The following SYNPO2 variants were observed in gnomAD, a reference collection of about 807,000 sequenced individuals.
SYNPO2 encodes synaptopodin-2.
In SYNPO2, 56 loss-of-function variants were observed where a neutral mutation model predicts 85.0. That is an observed-to-expected ratio of 0.66 (90% confidence interval 0.53 to 0.82). The LOEUF is 0.82. Among genes scored for constraint, SYNPO2 ranks in the 40% least tolerant of loss-of-function variants. The pLI, the probability that SYNPO2 is intolerant of heterozygous loss-of-function variation, is 0.00. For synonymous variants in SYNPO2, 602 were observed against 591.1 expected (o/e 1.02, Z -0.27); for missense variants, 1,575 against 1,534.2 (o/e 1.03, Z -0.44).
chr4:118,930,751 C>CAA (rs3051232), intron 1 of SYNPO2, among the ~76,000 whole-genome samples: 11,160 of 119,818 alleles, frequency 0.093, 575 homozygotes, highest in Non-Finnish European at 0.12. Flanking sequence ...CCCATATCTA[C>CAA]AAAAAAAAAA....
chr4:119,011,753 A>G (rs1737311108), intron 1 of SYNPO2, among the ~76,000 whole-genome samples: 1 of 152,158 alleles, frequency 6.6e-6, no homozygotes, highest in African/African-American at 2.4e-5. Flanking sequence ...TGTGCAAGAC[A>G]CATGTCAGGT....
At chr4:118,879,696 A>G (rs1732037559) in intron 1 of SYNPO2, among the ~76,000 whole-genome samples, 1 of 152,152 alleles carries the variant, frequency 6.6e-6, no homozygotes, top group African/African-American at 2.4e-5. Flanking sequence ...GAGGGGCTGC[A>G]AAGGTCTTGG....
intron 1 of SYNPO2, among the ~76,000 whole-genome samples, chr4:119,000,185 A>G (rs1430664089): frequency 2.6e-5 from 4 of 152,226 alleles, no homozygotes; most frequent in East Asian, 1.9e-4. Flanking sequence ...TCCACCAGGT[A>G]GCAAGGTTTG....
chr4:119,013,063 G>A (rs748280571), intron 1 of SYNPO2, among the ~76,000 whole-genome samples: 10 of 152,206 alleles, frequency 6.6e-5, no homozygotes, highest in Middle Eastern at 6.8e-3. Flanking sequence ...ATACTTTCAG[G>A]CCAAAATAAT....
In SYNPO2 at chr4:118,954,428, G is replaced by T. The variant is rs116525233; in HGVS notation, c.105+65287G>T. 4.4e-3 allele frequency among the ~76,000 whole-genome samples: 675 copies of T among 152,116 alleles called. 5 individuals are homozygous for T. Among genetic ancestry groups the T allele is most frequent in the African/African-American group, 0.015 (629 of 41,484 alleles). On this transcript the variant is annotated intron_variant, in intron 1 of 4. Transcript: ENST00000307142. ...TAATACAAAGTGCCCTTTCATATGG[G>T]CTCAGCATTGCCATCTAGGGACTAT...
chr4:119,049,568 T>C (rs1366527356), intron 4 of SYNPO2, among the ~76,000 whole-genome samples: 2 of 152,250 alleles, frequency 1.3e-5, no homozygotes, highest in African/African-American at 2.4e-5. Context: ...CTTTGGCTTC[T>C]AGGACAGTTT....
At chr4:118,951,622 C>A (rs751172064) in intron 1 of SYNPO2, among the ~76,000 whole-genome samples, 9 of 152,036 alleles carry the variant, frequency 5.9e-5, no homozygotes, top group Non-Finnish European at 8.8e-5. Flanking sequence ...TACTGCTCAA[C>A]AAAATGAATA....
intron 1 of SYNPO2, among the ~76,000 whole-genome samples, chr4:118,936,485 A>G (rs1215644480): frequency 2.0e-5 from 3 of 152,198 alleles, no homozygotes; most frequent in Non-Finnish European, 4.4e-5. Context: ...AAAATGAAAG[A>G]GAAAGAATTC....
At position 118,883,062 on chromosome 4, in the gene SYNPO2, G is replaced by GT. The variant is rs111630098; in HGVS notation, c.12+32136dup. On this transcript the variant is annotated intron_variant, in intron 1 of 4. Transcript: ENST00000610556. The stretch of plus-strand genomic sequence containing the variant: ...AGGCATGAGCCACCGCGCCCCGCCT[G>GT]TTTTTTTTTTTTTTAAAGGCCTTTT... 8.3e-3 allele frequency among the ~76,000 whole-genome samples: 1,168 copies of GT among 141,298 alleles called. 11 individuals carry two copies. The highest frequency in any genetic ancestry group is 0.049 in the East Asian group (237 of 4,884). 92.7% of individuals were successfully genotyped at this position (141,298 alleles called of 152,430 possible).
chr4:119,037,395 T>G (rs903771668), intron 4 of SYNPO2: 12 of 1,213,972 alleles, frequency 9.9e-6, no homozygotes, highest in Non-Finnish European at 1.2e-5. Flanking sequence ...AAAAAAAAAT[T>G]CACATTCTAA....
At chr4:119,005,770 G>A (rs1028887346) in intron 1 of SYNPO2, among the ~76,000 whole-genome samples, 1 of 152,092 alleles carries the variant, frequency 6.6e-6, no homozygotes, top group Non-Finnish European at 1.5e-5. Context: ...TCTTATAACT[G>A]AGAAAGTTTT....
intron 1 of SYNPO2, among the ~76,000 whole-genome samples, chr4:119,001,261 T>C (rs1192617276): frequency 6.6e-6 from 1 of 152,098 alleles, no homozygotes; most frequent in Admixed American, 6.5e-5. Flanking sequence ...GAAAGAAAAA[T>C]TGCTTCTCCA....
Position 119,031,684 on chromosome 4 carries a change from A to G in SYNPO2, c.2909A>G (p.Tyr970Cys), listed in dbSNP as rs1185596177. Residue 970 changes from tyrosine (Y) to cysteine (C), a missense_variant, in exon 4 of 5, where the codon TAT becomes TGT. Physicochemically the swap from Tyr to Cys is radical, Grantham distance 194 (BLOSUM62 -2). This residue lies in a region of SYNPO2 where 1,508 missense variants were observed against 1,446.8 expected (regional missense o/e 1.04). Coordinates refer to ENST00000307142, the MANE Select transcript of SYNPO2 (RefSeq NM_133477.3). ...TTAGATGTCATGAAGCACCAACCGT[A>G]TCAGCTCAATGCATCCTTGTTTACT... ...NALDVMKHQP[Y>C]QLNASLFTFQ... is the part of the protein sequence containing the mutation. The G allele has an allele frequency of 5.6e-6, 9 of 1,614,202 alleles. No homozygotes were observed. The highest frequency in any genetic ancestry group is 6.8e-6 in the Non-Finnish European group (8 of 1,180,032).
At chr4:119,020,836 A>C (rs1737694397) in intron 1 of SYNPO2, among the ~76,000 whole-genome samples, 1 of 152,200 alleles carries the variant, frequency 6.6e-6, no homozygotes, top group African/African-American at 2.4e-5. Flanking sequence ...ACTTATTAAA[A>C]AATTTCTTGT....
At position 118,904,643 on chromosome 4, in the gene SYNPO2, C is replaced by G. The variant is rs547836573; in HGVS notation, c.105+15502C>G. Among the ~76,000 whole-genome samples the G allele has an allele frequency of 5.7e-4, 87 of 152,256 alleles. 2 individuals carry two copies. The South Asian group carries it at 7.3e-3, about 13-fold the overall frequency. ...TTTGTTCCCTCCCCCACCTCCACCC[C>G]CACATGCTTGTCTTCTAAATTACAA... is the stretch of plus-strand genomic sequence containing the variant. On this transcript the variant is annotated intron_variant, in intron 1 of 4. Coordinates refer to ENST00000307142, the MANE Select transcript of SYNPO2 (RefSeq NM_133477.3).
chr4:119,024,195 A>G (rs1013604855), intron 2 of SYNPO2, among the ~76,000 whole-genome samples: 1 of 151,054 alleles, frequency 6.6e-6, no homozygotes, highest in African/African-American at 2.5e-5. Context: ...AATATAAAAG[A>G]AACCTTTAAA....
intron 1 of SYNPO2, among the ~76,000 whole-genome samples, chr4:119,002,046 G>A (rs1378739494): frequency 2.0e-5 from 3 of 152,178 alleles, no homozygotes; most frequent in Non-Finnish European, 4.4e-5. Flanking sequence ...TATTTTGATT[G>A]AATCACTATT....
intron 1 of SYNPO2, among the ~76,000 whole-genome samples, chr4:118,929,813 T>C (rs907072369): frequency 4.9e-4 from 74 of 152,308 alleles, no homozygotes; most frequent in African/African-American, 1.7e-3. Flanking sequence ...ATCAAAACCT[T>C]CAATCAACGG....
At chr4:118,980,309 T>C (rs138655046) in intron 1 of SYNPO2, among the ~76,000 whole-genome samples, 1 of 152,324 alleles carries the variant, frequency 6.6e-6, no homozygotes, top group East Asian at 1.9e-4. Context: ...GTTAGTCTGC[T>C]GATGTGCCTT....
Sources: gnomAD v4.1 joint callset for allele counts (sites outside exome capture counted in the v4.1 genomes callset) on GRCh38, gnomAD v4.1.1 for gene constraint, gnomAD v4.1.1 regional missense constraint, MANE v1.5 for transcripts, NCBI Gene and HGNC (gene_info 2026-07-23, HGNC 2026-07-21) for gene names.